The following SERINC5 variants were observed in gnomAD, a reference collection of about 807,000 sequenced individuals.
The protein encoded by SERINC5 is serine incorporator 5.
A neutral mutation model predicts 63.1 loss-of-function variants in SERINC5; 41 were observed. That is an observed-to-expected ratio of 0.65 (90% CI 0.51 to 0.84). The LOEUF (loss-of-function observed/expected upper bound fraction) is 0.84. Ranked by LOEUF, SERINC5 falls within the 40% of genes least tolerant of loss-of-function variation. The pLI is 0.00. For synonymous variants in SERINC5, 222 were observed against 215.2 expected, an observed-to-expected ratio of 1.03 and a Z score of -0.28; for missense variants, 523 against 573.0, an observed-to-expected ratio of 0.91 and a Z score of 0.89.
At chr5:80,146,379 C>A (rs1375089343) in intron 10 of SERINC5, 145 bp from the exon 11 acceptor site, 1 of 885,322 alleles carries the variant, frequency 1.1e-6, no homozygotes, top group Non-Finnish European at 1.7e-6. Context: ...TCAATCTGTG[C>A]CCTAAGCACA....
intron 7 of SERINC5, among the ~76,000 whole-genome samples, chr5:80,161,052 A>C (rs7720541): frequency 7.5e-6 from 1 of 133,612 alleles, no homozygotes; most frequent in African/African-American, 2.7e-5. Flanking sequence ...ATATATATGT[A>C]TGTATGTATA....
chr5:80,212,603 G>T (rs771563501), intron 1 of SERINC5, among the ~76,000 whole-genome samples: 1 of 140,560 alleles, frequency 7.1e-6, no homozygotes, highest in African/African-American at 2.7e-5. Flanking sequence ...CTCAAGCTCA[G>T]AAATAGCTTC....
intron 1 of SERINC5, among the ~76,000 whole-genome samples, chr5:80,251,376 G>A (rs927410956): frequency 1.3e-5 from 2 of 151,990 alleles, no homozygotes; most frequent in Non-Finnish European, 2.9e-5. Context: ...TCTAGAAATA[G>A]GATCTGGCTG....
intron 1 of SERINC5, among the ~76,000 whole-genome samples, chr5:80,222,580 G>A (rs112969286): frequency 6.6e-6 from 1 of 150,970 alleles, no homozygotes; most frequent in Non-Finnish European, 1.5e-5. Flanking sequence ...GTGTGTGTGT[G>A]TGTGTGTTTG....
intron 1 of SERINC5, among the ~76,000 whole-genome samples, chr5:80,234,223 C>A (rs902107867): frequency 6.6e-6 from 1 of 152,158 alleles, no homozygotes; most frequent in Non-Finnish European, 1.5e-5. Context: ...TTGAATAATA[C>A]TTCCTAATAA....
downstream of SERINC5, among the ~76,000 whole-genome samples, chr5:80,137,642 C>CA (rs57807742): frequency 2.8e-3 from 289 of 104,780 alleles, 3 homozygotes; most frequent in East Asian, 0.014. Flanking sequence ...GACTCTAACT[C>CA]AAAAAAAAAA....
At chr5:80,137,750 C>T (rs528122775), downstream of SERINC5, among the ~76,000 whole-genome samples, 10 of 150,846 alleles carry the variant, frequency 6.6e-5, no homozygotes, top group African/African-American at 9.8e-5. Context: ...AAGACCAACC[C>T]GTGCAACATA....
chr5:80,200,149 C>CTCT (rs1561419569), intron 2 of SERINC5, among the ~76,000 whole-genome samples: 1 of 125,480 alleles, frequency 8.0e-6, no homozygotes, highest in Admixed American at 8.1e-5. Context: ...CAGAGCGAGA[C>CTCT]TCGTAATTTC....
At chr5:80,174,918 G>GT in intron 5 of SERINC5, 36 bp downstream of exon 5, 1 of 1,476,922 alleles carries the variant, frequency 6.8e-7, no homozygotes, top group Non-Finnish European at 9.3e-7. Context: ...GGCAGTTTCT[G>GT]TGAGTCAATG....
intron 1 of SERINC5, among the ~76,000 whole-genome samples, chr5:80,245,521 AT>A (rs574264560): frequency 6.4e-4 from 97 of 152,338 alleles, no homozygotes; most frequent in Non-Finnish European, 9.1e-4. Context: ...CAAATTCAGC[AT>A]CTATTCACAA....
chr5:80,166,265 G>A (rs1041777888), intron 7 of SERINC5, 118 bp downstream of exon 7: 1 of 703,720 alleles, frequency 1.4e-6, no homozygotes, highest in Non-Finnish European at 2.4e-6. Flanking sequence ...CCAGCCTCTG[G>A]TAACCATCTT....
At chr5:80,162,542 T>C (rs77571307) in intron 7 of SERINC5, among the ~76,000 whole-genome samples, 6,418 of 152,138 alleles carry the variant, frequency 0.042, 196 homozygotes, top group East Asian at 0.12. Flanking sequence ...CTCAGCTAAT[T>C]TGTAAATTTT....
chr5:80,224,203 G>A (rs893802587), intron 1 of SERINC5, among the ~76,000 whole-genome samples: 1 of 150,304 alleles, frequency 6.7e-6, no homozygotes, highest in African/African-American at 2.5e-5. Context: ...GCTTATCCCT[G>A]TAATCCCAGC....
At chr5:80,217,554 T>A (rs1750723614) in intron 1 of SERINC5, among the ~76,000 whole-genome samples, 1 of 152,238 alleles carries the variant, frequency 6.6e-6, no homozygotes, top group Admixed American at 6.5e-5. Context: ...TTCAAGAGTT[T>A]AGCGGCGAGT....
chr5:80,181,916 T>C (rs975993675), intron 2 of SERINC5, among the ~76,000 whole-genome samples: 1 of 152,252 alleles, frequency 6.6e-6, no homozygotes, highest in Non-Finnish European at 1.5e-5. Flanking sequence ...AAATTCTTTT[T>C]TTCTTTATTG....
At chr5:80,172,944 T>C (rs1433264326) in intron 5 of SERINC5, among the ~76,000 whole-genome samples, 1 of 152,176 alleles carries the variant, frequency 6.6e-6, no homozygotes, top group African/African-American at 2.4e-5. Context: ...TCACTTATAT[T>C]ATCCCCTTGT....
At chr5:80,239,008 G>C (rs770130378) in intron 1 of SERINC5, among the ~76,000 whole-genome samples, 2 of 152,158 alleles carry the variant, frequency 1.3e-5, no homozygotes, top group Non-Finnish European at 2.9e-5. Context: ...GAGAGCACAG[G>C]GGTAGTACCT....
chr5:80,151,128 T>C (rs777999070), intron 8 of SERINC5, among the ~76,000 whole-genome samples, 180 bp from the exon 9 acceptor site: 13 of 152,252 alleles, frequency 8.5e-5, no homozygotes, highest in Non-Finnish European at 1.6e-4. Context: ...GCTGGCTTAT[T>C]CTATAGTTGA....
intron 2 of SERINC5, among the ~76,000 whole-genome samples, chr5:80,195,483 G>A (rs1749445936): frequency 6.6e-6 from 1 of 152,068 alleles, no homozygotes; most frequent in South Asian, 2.1e-4. Flanking sequence ...CAGAACACTT[G>A]CTATACATAC....
Sources: allele counts gnomAD v4.1 joint callset (sites outside exome capture counted in the v4.1 genomes callset), GRCh38; gene constraint gnomAD v4.1.1; transcripts MANE v1.5; gene names NCBI Gene and HGNC (gene_info 2026-07-23, HGNC 2026-07-21).